Variants in RAVER2 observed in about 807,000 individuals in gnomAD.
RAVER2 encodes ribonucleoprotein PTB-binding 2.
In RAVER2, 46 loss-of-function variants were observed where a neutral mutation model predicts 78.1. The observed-to-expected ratio is 0.59, with a 90% CI of 0.46 to 0.75. The LOEUF (loss-of-function observed/expected upper bound fraction) is 0.75. Ranked by LOEUF, RAVER2 falls within the 30% of genes least tolerant of loss-of-function variation. RAVER2 has a pLI of 0.00. For missense variants in RAVER2, 793 were observed against 837.5 expected (o/e 0.95, Z 0.66); for synonymous variants, 311 against 313.3 (o/e 0.99, Z 0.08).
intron 1 of RAVER2, among the ~76,000 whole-genome samples, chr1:64,748,536 G>A (rs12040026): frequency 0.096 from 14,570 of 152,198 alleles, 1,015 homozygotes; most frequent in East Asian, 0.28. Context: ...GAATTAGACT[G>A]TTGCAAGACT....
At chr1:64,786,521 T>TG (rs1295121046) in intron 4 of RAVER2, among the ~76,000 whole-genome samples, 1 of 152,262 alleles carries the variant, frequency 6.6e-6, no homozygotes, top group African/African-American at 2.4e-5. Context: ...CCAGGTGCGG[T>TG]GGCTCTTGCC....
At chr1:64,827,534 C>G (rs1258489975) in intron 11 of RAVER2, among the ~76,000 whole-genome samples, 1 of 152,198 alleles carries the variant, frequency 6.6e-6, no homozygotes, top group Non-Finnish European at 1.5e-5. Flanking sequence ...ATGAAGTCCT[C>G]TAAAATGACT....
chr1:64,784,266 A>G (rs920719664), intron 4 of RAVER2, among the ~76,000 whole-genome samples: 2 of 152,124 alleles, frequency 1.3e-5, no homozygotes, highest in Non-Finnish European at 2.9e-5. Context: ...AGTCTCAGCT[A>G]CTTGGGGGGC....
At chr1:64,755,416 T>A (rs1651824422) in intron 1 of RAVER2, among the ~76,000 whole-genome samples, 1 of 152,176 alleles carries the variant, frequency 6.6e-6, no homozygotes, top group African/African-American at 2.4e-5. Context: ...ACTGTTTAAC[T>A]TTTATTTCCA....
chr1:64,785,683 T>G (rs1342235377), intron 4 of RAVER2, among the ~76,000 whole-genome samples: 1 of 152,080 alleles, frequency 6.6e-6, no homozygotes, highest in Non-Finnish European at 1.5e-5. Context: ...GTCCCTAACT[T>G]TTTAACATGC....
At chr1:64,763,623 C>T (rs1307896043) in intron 1 of RAVER2, among the ~76,000 whole-genome samples, 8 of 151,642 alleles carry the variant, frequency 5.3e-5, no homozygotes, top group South Asian at 2.1e-4. Context: ...ATATACCAGC[C>T]GGACATGGTG....
chr1:64,828,062 C>T (rs1179627676), intron 11 of RAVER2, among the ~76,000 whole-genome samples: 1 of 152,110 alleles, frequency 6.6e-6, no homozygotes, highest in Non-Finnish European at 1.5e-5. Context: ...GAAGGGTCAC[C>T]ACCTATCTCC....
rs1306674271 is a variant in RAVER2, at chr1:64,802,927, T to A, written c.1106-49T>A. 4.5e-6 allele frequency: 6 copies of A among 1,343,322 alleles called. No homozygotes were observed. In the South Asian group the frequency reaches 8.0e-5, roughly 18 times the overall value. The allele number at this position is 1,343,322 out of a possible 1,614,324, so 83.2% of individuals were successfully genotyped here. A position where few individuals can be genotyped will look rare whatever the true frequency, so the allele number is the denominator to read the frequency against. On this transcript the variant is annotated intron_variant, in intron 5 of 11. Coordinates refer to ENST00000294428, the Ensembl canonical transcript of RAVER2. ...CTTTTCGAAGCTTGGTTTTTAAAAA[T>A]TTTTAATTCCATATATAAATTAAAG... is the stretch of plus-strand genomic sequence containing the variant.
chr1:64,830,773 TA>T, intron 11 of RAVER2, 65 bp from the exon 12 acceptor site: 1 of 1,393,584 alleles, frequency 7.2e-7, no homozygotes. Context: ...GCTTTTCTTA[TA>T]AATATCTTTA....
exon 10 of RAVER2, chr1:64,812,775 C>G (rs1364067195): frequency 1.2e-6 from 2 of 1,612,178 alleles, no homozygotes; most frequent in Non-Finnish European, 1.7e-6. Context: ...TTGGGAGAAC[C>G]ACCAAAAGAA....
At chr1:64,829,953 C>T (rs1424905283) in intron 11 of RAVER2, among the ~76,000 whole-genome samples, 2 of 152,146 alleles carry the variant, frequency 1.3e-5, no homozygotes, top group African/African-American at 4.8e-5. Context: ...GACCTATCAT[C>T]TGTTCCCTCT....
At chr1:64,793,397 G>A (rs181335817) in intron 5 of RAVER2, among the ~76,000 whole-genome samples, 9 of 152,196 alleles carry the variant, frequency 5.9e-5, no homozygotes, top group Admixed American at 5.9e-4. Flanking sequence ...CTCTGACCAA[G>A]CTGATCTTTT....
intron 10 of RAVER2, among the ~76,000 whole-genome samples, chr1:64,814,164 G>A (rs189791825): frequency 1.3e-5 from 2 of 152,072 alleles, no homozygotes; most frequent in Admixed American, 6.6e-5. Flanking sequence ...GCATCATCTC[G>A]GCTCACTGCA....
chr1:64,765,206 C>G, intron 1 of RAVER2, among the ~76,000 whole-genome samples: 1 of 152,188 alleles, frequency 6.6e-6, no homozygotes, highest in Middle Eastern at 3.2e-3. Flanking sequence ...GGCACTTCCT[C>G]ATAAAGTTGA....
At chr1:64,758,475 T>A (rs1455160931) in intron 1 of RAVER2, among the ~76,000 whole-genome samples, 1 of 152,062 alleles carries the variant, frequency 6.6e-6, no homozygotes, top group African/African-American at 2.4e-5. Flanking sequence ...TAGGGGAAAT[T>A]CGAGGATTGA....
chr1:64,815,563 T>C (rs749244805), intron 11 of RAVER2: 8 of 152,212 alleles, frequency 5.3e-5, no homozygotes, highest in Non-Finnish European at 7.3e-5. Flanking sequence ...AAGAGTCTTA[T>C]AATTATCAGT....
chr1:64,785,429 G>T (rs1259411625), intron 4 of RAVER2, among the ~76,000 whole-genome samples: 1 of 150,408 alleles, frequency 6.6e-6, no homozygotes, highest in African/African-American at 2.5e-5. Flanking sequence ...GAGTGCAGTG[G>T]CACGATCTTG....
At chr1:64,812,468 T>G (rs1158186950) in intron 9 of RAVER2, among the ~76,000 whole-genome samples, 1 of 152,052 alleles carries the variant, frequency 6.6e-6, no homozygotes, top group Non-Finnish European at 1.5e-5. Context: ...GTTTTTCTTG[T>G]GAAGATGAAT....
At chr1:64,750,450 A>C (rs1174592529) in intron 1 of RAVER2, among the ~76,000 whole-genome samples, 1 of 152,014 alleles carries the variant, frequency 6.6e-6, no homozygotes, top group African/African-American at 2.4e-5. Flanking sequence ...TTGGGACCAT[A>C]GGCATGCACC....
Sources: allele counts gnomAD v4.1 joint callset (sites outside exome capture counted in the v4.1 genomes callset), GRCh38; gene constraint gnomAD v4.1.1; transcripts MANE v1.5; gene names NCBI Gene and HGNC (gene_info 2026-07-23, HGNC 2026-07-21).